TNNI3K: variants seen among roughly 807,000 people sequenced by gnomAD.
TNNI3K encodes serine/threonine-protein kinase TNNI3K.
Under a neutral mutation model 114.5 loss-of-function variants are expected in TNNI3K, and 140 were observed. The ratio of observed to expected loss-of-function variants is 1.22; its 90% confidence interval spans 1.07 to 1.41. The LOEUF is 1.41. Among genes scored for constraint, TNNI3K ranks in the 40% most tolerant of loss-of-function variants. TNNI3K has a pLI of 0.00. For synonymous variants in TNNI3K, 347 were observed against 347.5 expected (o/e 1.00, Z 0.02); for missense variants, 1,125 against 1,007.6 (o/e 1.12, Z -1.58).
chr1:74,488,110 A>C (rs1028853768), intron 21 of TNNI3K, among the ~76,000 whole-genome samples: 1 of 152,216 alleles, frequency 6.6e-6, no homozygotes, highest in Non-Finnish European at 1.5e-5. Flanking sequence ...GAGAGTATGA[A>C]GTAAGCCAGT....
At chr1:74,502,861 C>T (rs1669705206) in intron 23 of TNNI3K, among the ~76,000 whole-genome samples, 1 of 151,906 alleles carries the variant, frequency 6.6e-6, no homozygotes, top group African/African-American at 2.4e-5. Context: ...TCTGTATCTT[C>T]TTCAAAACAG....
At chr1:74,473,505 A>C (rs1055813931) in intron 21 of TNNI3K, among the ~76,000 whole-genome samples, 2 of 151,598 alleles carry the variant, frequency 1.3e-5, no homozygotes, top group African/African-American at 4.9e-5. Flanking sequence ...AAAAAATCCT[A>C]ACAGCACTAT....
intron 5 of TNNI3K, among the ~76,000 whole-genome samples, chr1:74,277,411 A>T (rs181068666): frequency 6.6e-6 from 1 of 152,174 alleles, no homozygotes; most frequent in Admixed American, 6.5e-5. Flanking sequence ...GACACAAAAA[A>T]AGTATTTGGA....
At chr1:74,348,737 G>A (rs1374101676) in intron 9 of TNNI3K, among the ~76,000 whole-genome samples, 1 of 152,048 alleles carries the variant, frequency 6.6e-6, no homozygotes, top group African/African-American at 2.4e-5. Context: ...TGGATTCCTA[G>A]GTATTTTATT....
At chr1:74,438,511 G>A (rs146572809) in intron 19 of TNNI3K, among the ~76,000 whole-genome samples, 290 of 152,114 alleles carry the variant, frequency 1.9e-3, no homozygotes, top group African/African-American at 6.6e-3. Context: ...AAAGTGCAAT[G>A]AGGATTTAGA....
chr1:74,538,073 T>C (rs1646681193), intron 23 of TNNI3K, among the ~76,000 whole-genome samples: 1 of 152,122 alleles, frequency 6.6e-6, no homozygotes, highest in African/African-American at 2.4e-5. Flanking sequence ...TTCTTAACCG[T>C]AGCACTATAC....
intron 5 of TNNI3K, among the ~76,000 whole-genome samples, chr1:74,279,922 G>A (rs1005159777): frequency 6.6e-6 from 1 of 152,140 alleles, no homozygotes; most frequent in Non-Finnish European, 1.5e-5. Flanking sequence ...ATTGAAAAAT[G>A]GGCTGAGAAA....
chr1:74,498,610 T>G (rs1484226499), intron 23 of TNNI3K, among the ~76,000 whole-genome samples: 1 of 152,186 alleles, frequency 6.6e-6, no homozygotes, highest in Non-Finnish European at 1.5e-5. Context: ...TTTCTGCAAT[T>G]TAAGTGAGTA....
intron 5 of TNNI3K, among the ~76,000 whole-genome samples, chr1:74,311,635 C>T (rs905912518): frequency 6.6e-6 from 1 of 152,014 alleles, no homozygotes; most frequent in Non-Finnish European, 1.5e-5. Context: ...TTTTAGTGTG[C>T]TTAGGAAATG....
intron 5 of TNNI3K, among the ~76,000 whole-genome samples, chr1:74,297,524 T>TGTGC (rs139218783): frequency 6.9e-6 from 1 of 144,996 alleles, no homozygotes; most frequent in African/African-American, 2.5e-5. Flanking sequence ...TGTGTGTGCG[T>TGTGC]GTGTGTGTGT....
At chr1:74,343,274 A>T (rs1185736557) in intron 9 of TNNI3K, 95 bp downstream of exon 9, 1 of 1,326,606 alleles carries the variant, frequency 7.5e-7, no homozygotes, top group African/African-American at 1.5e-5. Context: ...ATAGTGGCAG[A>T]TGTTGCAATC....
chr1:74,275,797 T>C (rs1025784571), intron 5 of TNNI3K, among the ~76,000 whole-genome samples: 1 of 152,092 alleles, frequency 6.6e-6, no homozygotes, highest in African/African-American at 2.4e-5. Flanking sequence ...AAGCAATTAC[T>C]GTGGTTTACA....
At chr1:74,447,327 A>T (rs1374819411) in intron 20 of TNNI3K, among the ~76,000 whole-genome samples, 1 of 150,036 alleles carries the variant, frequency 6.7e-6, no homozygotes, top group Non-Finnish European at 1.5e-5. Flanking sequence ...TTCACTCATG[A>T]TTTGGCTCTC....
intron 24 of TNNI3K, among the ~76,000 whole-genome samples, chr1:74,543,647 C>G (rs1028605422): frequency 5.9e-5 from 9 of 152,272 alleles, no homozygotes; most frequent in African/African-American, 1.9e-4. Context: ...TGAGCTGTAC[C>G]CCTCTTTACT....
intron 21 of TNNI3K, chr1:74,472,152 G>T (rs192017330): frequency 1.4e-6 from 1 of 717,006 alleles, no homozygotes; most frequent in African/African-American, 1.7e-5. Context: ...CTCCTGCCAA[G>T]GCTGAAGCGG....
chr1:74,486,846 A>G (rs983367473), intron 21 of TNNI3K, among the ~76,000 whole-genome samples: 1 of 152,150 alleles, frequency 6.6e-6, no homozygotes, highest in Non-Finnish European at 1.5e-5. Flanking sequence ...AGCCAATTGA[A>G]AAACATGTTT....
At chr1:74,535,694 GC>G in intron 23 of TNNI3K, among the ~76,000 whole-genome samples, 1 of 152,194 alleles carries the variant, frequency 6.6e-6, no homozygotes, top group Non-Finnish European at 1.5e-5. Context: ...AGGAAATGCA[GC>G]ATTTTGTTTT....
At chr1:74,249,893 A>G (rs10493539) in intron 3 of TNNI3K, among the ~76,000 whole-genome samples, 89,261 of 152,038 alleles carry the variant, frequency 0.59, 30,175 homozygotes, top group East Asian at 0.82. Flanking sequence ...TTGCTTCACA[A>G]TATTCAACAA....
At chr1:74,438,212 G>C (rs992137469) in intron 19 of TNNI3K, among the ~76,000 whole-genome samples, 1 of 151,918 alleles carries the variant, frequency 6.6e-6, no homozygotes, top group Non-Finnish European at 1.5e-5. Flanking sequence ...CGGGCATACT[G>C]TGTACCTGCT....
Sources: allele counts gnomAD v4.1 joint callset (sites outside exome capture counted in the v4.1 genomes callset), GRCh38; gene constraint gnomAD v4.1.1; transcripts MANE v1.5; gene names NCBI Gene and HGNC (gene_info 2026-07-23, HGNC 2026-07-21).